Variants in NOX4 observed in about 807,000 individuals in gnomAD.
NOX4 encodes NADPH oxidase 4, also known as kidney oxidase-1.
A neutral mutation model predicts 87.6 loss-of-function variants in NOX4; 69 were observed. The ratio of observed to expected loss-of-function variants is 0.79; its 90% CI spans 0.65 to 0.96. The LOEUF (loss-of-function observed/expected upper bound fraction) is 0.96, where lower values mean the gene tolerates loss of function less well. Ranked by LOEUF, NOX4 falls within the 40% of genes least tolerant of loss-of-function variation. The pLI is 0.00. For synonymous variants in NOX4, 275 were observed against 238.2 expected, an observed-to-expected ratio of 1.15 and a Z score of -1.42; for missense variants, 680 against 681.5, an observed-to-expected ratio of 1.00 and a Z score of 0.02.
chr11:89,511,728 T>C, the NOX4 span, among the ~76,000 whole-genome samples: 4 of 152,040 alleles, frequency 2.6e-5, no homozygotes, highest in African/African-American at 9.7e-5. Flanking sequence ...GGGTTTAGAA[T>C]CACTTAAATT....
At chr11:89,352,208 T>A (rs938735883) in intron 13 of NOX4, among the ~76,000 whole-genome samples, 2 of 152,172 alleles carry the variant, frequency 1.3e-5, no homozygotes, top group African/African-American at 4.8e-5. Flanking sequence ...CTGACTTGGC[T>A]ACTACACAAT....
At chr11:89,433,566 C>T (rs1033953810) in intron 6 of NOX4, among the ~76,000 whole-genome samples, 4 of 151,970 alleles carry the variant, frequency 2.6e-5, no homozygotes, top group African/African-American at 9.7e-5. Context: ...TTTTAGGCTT[C>T]ACTAACTAGA....
intron 6 of NOX4, among the ~76,000 whole-genome samples, chr11:89,437,578 G>C (rs1343185670): frequency 6.6e-6 from 1 of 151,924 alleles, no homozygotes; most frequent in African/African-American, 2.4e-5. Context: ...GAAATTATGT[G>C]AGAATGGGCC....
At chr11:89,347,278 AATGTATCTCTTCTGAC>A in intron 13 of NOX4, among the ~76,000 whole-genome samples, 1 of 152,174 alleles carries the variant, frequency 6.6e-6, no homozygotes, top group East Asian at 1.9e-4. Context: ...CAGACAGGAC[AATGTATCTCTTCTGAC>A]AGGATTTAGA....
At chr11:89,435,934 G>C (rs769379006) in intron 6 of NOX4, among the ~76,000 whole-genome samples, 2 of 152,086 alleles carry the variant, frequency 1.3e-5, no homozygotes, top group Non-Finnish European at 2.9e-5. Context: ...AATTAATAAA[G>C]TAATAGATTT....
the NOX4 span, among the ~76,000 whole-genome samples, chr11:89,538,841 C>T: frequency 7.2e-4 from 110 of 151,742 alleles, no homozygotes; most frequent in African/African-American, 2.6e-3. Flanking sequence ...TGTTTGTGTC[C>T]CCCTCAATTT....
intron 7 of NOX4, 31 bp downstream of exon 7, chr11:89,432,753 A>G (rs1310428158): frequency 2.7e-6 from 4 of 1,463,498 alleles, no homozygotes. Context: ...CCTGACAGAT[A>G]CACATCAAAA....
At position 89,369,510 on chromosome 11, in the gene NOX4, C is replaced by T. The variant is rs565201436; in HGVS notation, c.1135+3922G>A. On this transcript the variant is annotated intron_variant, in intron 12 of 17. Transcript: ENST00000263317. Reference sequence around the variant, plus strand: ...TGGAACACAGTAGCTGTTTAACATACATTTGATTATTAGCCAAAGTTAATA... The same window carrying T: ...TGGAACACAGTAGCTGTTTAACATATATTTGATTATTAGCCAAAGTTAATA... 9.8e-4 allele frequency among the ~76,000 whole-genome samples: 149 copies of T among 152,192 alleles called. 1 individual carries two copies. Among genetic ancestry groups the T allele is most frequent in the African/African-American group, 3.4e-3 (143 of 41,558 alleles).
intron 11 of NOX4, among the ~76,000 whole-genome samples, chr11:89,376,342 C>A (rs1359341708): frequency 6.6e-6 from 1 of 152,184 alleles, no homozygotes; most frequent in East Asian, 1.9e-4. Context: ...CTTAGAATCA[C>A]ATTTTAGTAT....
intron 5 of NOX4, among the ~76,000 whole-genome samples, chr11:89,441,975 AATAT>A (rs1944476785): frequency 1.4e-5 from 2 of 147,502 alleles, no homozygotes; most frequent in African/African-American, 4.9e-5. Context: ...ATATATAATC[AATAT>A]ATAAATATAT....
intron 11 of NOX4, among the ~76,000 whole-genome samples, chr11:89,379,379 A>C (rs1940104772): frequency 6.6e-6 from 1 of 152,082 alleles, no homozygotes; most frequent in African/African-American, 2.4e-5. Context: ...CATTAAAAAA[A>C]AAAAAATCTG....
upstream of NOX4, chr11:89,491,607 G>A (rs776512815): frequency 1.8e-5 from 5 of 275,560 alleles, no homozygotes; most frequent in Admixed American, 5.5e-5. Context: ...AGGATGTCCC[G>A]GGTGGGAACT....
At position 89,392,785 on chromosome 11, in the gene NOX4, C is replaced by T. The variant is rs1175346265; in HGVS notation, c.1074+7232G>A. Among the ~76,000 whole-genome samples the T allele has an allele frequency of 2.6e-5, 4 of 152,100 alleles. 1 individual carries two copies. Among genetic ancestry groups the T allele is most frequent in the Non-Finnish European group, 5.9e-5 (4 of 68,012 alleles). ...AAGGTCTACATGACATGAAAGTATT[C>T]AGGAGCTCATGGTAACCAAAATAAT... On this transcript the variant is annotated intron_variant, in intron 11 of 17. Coordinates refer to ENST00000263317, the MANE Select transcript of NOX4 (RefSeq NM_016931.5).
chr11:89,396,014 A>G (rs1941458820), intron 11 of NOX4, among the ~76,000 whole-genome samples: 2 of 152,154 alleles, frequency 1.3e-5, no homozygotes, highest in South Asian at 4.1e-4. Context: ...TAGGAACTTT[A>G]AAGTAGTTTT....
chr11:89,491,373 A>C lies in NOX4; in HGVS notation c.-127T>G, dbSNP rs1243048299. The C allele has an allele frequency of 1.3e-5, 11 of 854,276 alleles. No homozygotes were observed. In the East Asian group the frequency reaches 3.3e-4, roughly 26 times the overall value. The allele number at this position is 854,276 out of a possible 1,614,324, so 52.9% of individuals were successfully genotyped here. A position where few individuals can be genotyped will look rare whatever the true frequency, so the allele number is the denominator to read the frequency against. On this transcript the variant is annotated 5_prime_UTR_variant, in exon 1 of 18. Coordinates refer to ENST00000263317, the MANE Select transcript of NOX4 (RefSeq NM_016931.5). ...AGCGAGGACCGAGGGTCAAAGACTG[A>C]GTGGAAGCCCGAAGGCCCGGCGCCG...
chr11:89,416,471 A>G (rs1942779545), intron 8 of NOX4, among the ~76,000 whole-genome samples: 1 of 152,198 alleles, frequency 6.6e-6, no homozygotes, highest in African/African-American at 2.4e-5. Flanking sequence ...GCAGTCCTTA[A>G]CACTTCACTA....
chr11:89,416,342 A>G (rs1438494306), intron 8 of NOX4, among the ~76,000 whole-genome samples: 1 of 152,162 alleles, frequency 6.6e-6, no homozygotes, highest in Non-Finnish European at 1.5e-5. Flanking sequence ...ACTTTCTAAG[A>G]GGAGCAAGTG....
At chr11:89,568,359 T>C in the NOX4 span, among the ~76,000 whole-genome samples, 18 of 152,070 alleles carry the variant, frequency 1.2e-4, no homozygotes, top group Admixed American at 6.6e-5. Flanking sequence ...TAAAGAAAAC[T>C]GAAGATCGAA....
the NOX4 span, among the ~76,000 whole-genome samples, chr11:89,560,994 C>CTA: frequency 0.014 from 815 of 59,274 alleles, 2 homozygotes; most frequent in East Asian, 0.024. Flanking sequence ...CTCTCTCTCT[C>CTA]TCTATATATA....
Sources: gnomAD v4.1 joint callset for allele counts (sites outside exome capture counted in the v4.1 genomes callset) on GRCh38, gnomAD v4.1.1 for gene constraint, MANE v1.5 for transcripts, NCBI Gene and HGNC (gene_info 2026-07-23, HGNC 2026-07-21) for gene names.